Variants in COL4A6 observed in about 807,000 individuals in gnomAD.
COL4A6 encodes collagen alpha-6(IV) chain.
A neutral mutation model predicts 126.7 loss-of-function variants in COL4A6; 59 were observed. The ratio of observed to expected loss-of-function variants is 0.47; its 90% CI spans 0.38 to 0.58. COL4A6 has a LOEUF of 0.58. Among genes scored for constraint, COL4A6 ranks in the 20% least tolerant of loss-of-function variants. The pLI, the probability that COL4A6 is intolerant of heterozygous loss-of-function variation, is 0.00. For synonymous variants in COL4A6, 547 were observed against 496.6 expected, an observed-to-expected ratio of 1.10 and a Z score of -1.35; for missense variants, 1,285 against 1,337.3, an observed-to-expected ratio of 0.96 and a Z score of 0.61.
intron 3 of COL4A6, among the ~76,000 whole-genome samples, chrX:108,236,331 A>G (rs376929324): frequency 1.8e-5 from 2 of 111,296 alleles, no homozygotes; most frequent in East Asian, 5.7e-4. Flanking sequence ...GAGAAGAAAA[A>G]GTGAGGGGTT....
intron 2 of COL4A6, among the ~76,000 whole-genome samples, chrX:108,376,221 C>T (rs1194166400): frequency 6.3e-5 from 7 of 111,233 alleles, no homozygotes; most frequent in Non-Finnish European, 1.9e-5. Context: ...AGTGTTATTT[C>T]TGAAGACAAA....
intron 3 of COL4A6, among the ~76,000 whole-genome samples, chrX:108,256,123 C>T (rs1569386069): frequency 8.9e-6 from 1 of 111,998 alleles, no homozygotes; most frequent in Non-Finnish European, 1.9e-5. Context: ...ACGGGTAAAT[C>T]TTTTGTATTC....
At chrX:108,322,194 CACAA>C (rs1489221813) in intron 2 of COL4A6, among the ~76,000 whole-genome samples, 1 of 111,629 alleles carries the variant, frequency 9.0e-6, no homozygotes, top group Non-Finnish European at 1.9e-5. Context: ...CATACACACA[CACAA>C]ACACACACAC....
chrX:108,191,371 A>G, intron 19 of COL4A6, 22 bp downstream of exon 19: 1 of 1,204,876 alleles, frequency 8.3e-7, no homozygotes, highest in African/African-American at 1.7e-5. Context: ...CTTGAGACCA[A>G]AAAGAGAAAT....
At chrX:108,378,977 C>T (rs2040503992) in intron 2 of COL4A6, among the ~76,000 whole-genome samples, 2 of 112,280 alleles carry the variant, frequency 1.8e-5, no homozygotes, top group Non-Finnish European at 3.8e-5. Flanking sequence ...TGCCTTAGGC[C>T]ATGGCAGAAA....
chrX:108,307,311 T>C (rs2038649849), intron 3 of COL4A6, among the ~76,000 whole-genome samples: 1 of 112,028 alleles, frequency 8.9e-6, no homozygotes, highest in Admixed American at 9.5e-5. Flanking sequence ...ACTAGCAGGC[T>C]GGTGACCTTG....
At chrX:108,437,709 T>C (rs1298970771) in intron 2 of COL4A6, among the ~76,000 whole-genome samples, 1 of 111,505 alleles carries the variant, frequency 9.0e-6, no homozygotes, top group Non-Finnish European at 1.9e-5. Flanking sequence ...GTCTTCCACT[T>C]TTATTTTCCC....
intron 3 of COL4A6, among the ~76,000 whole-genome samples, chrX:108,287,796 T>A (rs1176606972): frequency 1.8e-5 from 2 of 111,923 alleles, no homozygotes; most frequent in Admixed American, 1.9e-4. Flanking sequence ...ATTCTACCTG[T>A]CTAGGTCTCC....
intron 3 of COL4A6, among the ~76,000 whole-genome samples, chrX:108,255,509 C>CA (rs1354305086): frequency 1.2e-4 from 13 of 111,285 alleles, no homozygotes; most frequent in Non-Finnish European, 7.6e-5. Flanking sequence ...AGGTCTGCCA[C>CA]AAAAAATGCA....
intron 2 of COL4A6, among the ~76,000 whole-genome samples, chrX:108,380,914 T>C (rs955699257): frequency 2.7e-5 from 3 of 111,809 alleles, no homozygotes; most frequent in Non-Finnish European, 5.6e-5. Context: ...CAAAGAGATA[T>C]ATGCATGTAA....
At chrX:108,438,841 T>G (rs1333322518), upstream of COL4A6, among the ~76,000 whole-genome samples, 1 of 112,486 alleles carries the variant, frequency 8.9e-6, no homozygotes, top group Non-Finnish European at 1.9e-5. Context: ...TGGGCCCTCG[T>G]GAAATAGATC....
intron 11 of COL4A6, among the ~76,000 whole-genome samples, chrX:108,205,049 G>A (rs2035505979): frequency 9.1e-6 from 1 of 109,414 alleles, no homozygotes; most frequent in East Asian, 2.9e-4. Flanking sequence ...AGTGGAGGAG[G>A]GGGAGGAGGA....
At chrX:108,408,364 A>C (rs374944212) in intron 2 of COL4A6, among the ~76,000 whole-genome samples, 8 of 96,739 alleles carry the variant, frequency 8.3e-5, no homozygotes, top group Admixed American at 3.2e-4. Context: ...AAAGAAAGAA[A>C]GAACGAAAGA....
rs1454417373 is a variant in COL4A6, at chrX:108,233,796, CAAG to C, written c.145-12425_145-12423del. ...TCATAGACAATCATGGATTTGAACT[CAAG>C]AAGATGAGATGACACAGCTCCCTTC... On this transcript the variant is annotated intron_variant, in intron 3 of 44. Coordinates refer to ENST00000334504, the MANE Select transcript of COL4A6 (RefSeq NM_033641.4). Among the ~76,000 whole-genome samples the C allele has an allele frequency of 2.7e-5, 3 of 112,101 alleles. No homozygotes were observed. The East Asian group carries it at 8.5e-4, about 32-fold the overall frequency.
rs1409811272 is a variant in COL4A6, at chrX:108,299,822, G to A, written c.144+10926C>T. Among the ~76,000 whole-genome samples the A allele has an allele frequency of 3.6e-5, 4 of 111,960 alleles. No homozygotes were observed. In the East Asian group the frequency reaches 8.4e-4, roughly 23 times the overall value. On this transcript the variant is annotated intron_variant, in intron 3 of 44. Transcript: ENST00000334504. ...AGCCTAGGGCTTAGCTAAGTCCACC[G>A]TAGGAGCCTGCCATGGTCACAGCCA... is the stretch of plus-strand genomic sequence containing the variant.
intron 2 of COL4A6, among the ~76,000 whole-genome samples, chrX:108,351,442 CTGTGTGTGTGTG>C (rs965452058): frequency 1.1e-5 from 1 of 94,375 alleles, no homozygotes; most frequent in Non-Finnish European, 2.1e-5. Flanking sequence ...CTCTCTCTCT[CTGTGTGTGTGTG>C]TGTGTGTGTG....
intron 2 of COL4A6, among the ~76,000 whole-genome samples, chrX:108,350,511 TAC>T (rs1327983298): frequency 9.0e-6 from 1 of 111,336 alleles, no homozygotes; most frequent in Non-Finnish European, 1.9e-5. Flanking sequence ...CTTCTAAGGC[TAC>T]AGTTTGAGAA....
In COL4A6 at chrX:108,429,720, A is replaced by G. The variant is rs143448949; in HGVS notation, c.63+8222T>C. Among the ~76,000 whole-genome samples, 218 of 112,131 alleles carry G rather than the reference A, an allele frequency of 1.9e-3. 2 individuals carry two copies. In the East Asian group the frequency reaches 0.057, roughly 29 times the overall value. On this transcript the variant is annotated intron_variant, in intron 2 of 44. Coordinates refer to ENST00000334504, the MANE Select transcript of COL4A6 (RefSeq NM_033641.4). ...AAGAAAATTAAATCTCAGAAAGGTA[A>G]AACGAGTTACTCTAAGTCACACAGC...
chrX:108,199,982 T>G (rs6524003), intron 13 of COL4A6, among the ~76,000 whole-genome samples: 3,308 of 111,941 alleles, frequency 0.03, 117 homozygotes, highest in African/African-American at 0.1. Flanking sequence ...CTTCACCCGT[T>G]GAGGCTGTGG....
Sources: gnomAD v4.1 joint callset for allele counts (sites outside exome capture counted in the v4.1 genomes callset) on GRCh38, gnomAD v4.1.1 for gene constraint, MANE v1.5 for transcripts, NCBI Gene and HGNC (gene_info 2026-07-23, HGNC 2026-07-21) for gene names.